Variants in MYCBP2 observed in about 807,000 individuals in gnomAD.
MYCBP2 encodes MYC binding protein 2.
Under a neutral mutation model 525.3 loss-of-function variants are expected in MYCBP2, and 120 were observed. That is an observed-to-expected ratio of 0.23 (90% CI 0.20 to 0.27). The LOEUF is 0.27. Ranked by LOEUF, MYCBP2 falls within the 10% of genes least tolerant of loss-of-function variation. The pLI is 1.00. For missense variants in MYCBP2, 4,149 were observed against 5,657.1 expected (o/e 0.73, Z 8.55); for synonymous variants, 1,894 against 1,955.8 (o/e 0.97, Z 0.83).
At chr13:77,206,586 C>T in intron 24 of MYCBP2, 67 bp downstream of exon 24, 2 of 1,335,150 alleles carry the variant, frequency 1.5e-6, no homozygotes, top group Non-Finnish European at 2.0e-6. Context: ...AATTTAAATA[C>T]TCTAAAAAAA....
intron 6 of MYCBP2, 67 bp downstream of exon 6, chr13:77,270,227 AAC>A: frequency 6.6e-7 from 1 of 1,514,274 alleles, no homozygotes. Context: ...TGAAACTAGA[AAC>A]ACACAGAACA....
intron 78 of MYCBP2, 129 bp from the exon 79 acceptor site, chr13:77,057,222 G>A (rs2038277110): frequency 3.3e-6 from 2 of 614,854 alleles, no homozygotes; most frequent in Admixed American, 5.9e-5. Flanking sequence ...TTACTATAAT[G>A]AAAATTCATT....
chr13:77,221,751 T>C (rs987732775), intron 20 of MYCBP2, among the ~76,000 whole-genome samples: 1 of 152,058 alleles, frequency 6.6e-6, no homozygotes, highest in African/African-American at 2.4e-5. Flanking sequence ...AACTCTCAAA[T>C]GAGAAACAGA....
intron 26 of MYCBP2, among the ~76,000 whole-genome samples, chr13:77,199,881 A>C (rs1276400767): frequency 3.3e-5 from 5 of 152,172 alleles, no homozygotes; most frequent in Non-Finnish European, 5.9e-5. Context: ...CCACACCAAA[A>C]ACCCATCTGT....
Position 77,205,534 on chromosome 13 carries a change from C to T in MYCBP2, c.3654G>A (p.Glu1218=). The change falls in exon 25 of 83, where the codon GAG becomes GAA. Residue 1218 remains glutamate, a synonymous_variant. Coordinates refer to ENST00000544440, the MANE Select transcript of MYCBP2 (RefSeq NM_015057.5). Reference sequence around the variant, plus strand: ...AATAAACCTTCATTACTGCTTGAGTCTCTTCCTCTGTACTTGCAACACCCA... The same window carrying T: ...AATAAACCTTCATTACTGCTTGAGTTTCTTCCTCTGTACTTGCAACACCCA... The part of the protein sequence containing the change: ...LKMGVASTEE[E]TQAVMKVYSK... The T allele has an allele frequency of 6.2e-7, 1 of 1,613,660 alleles. No individual in the cohort carries two copies. Among genetic ancestry groups the T allele is most frequent in the South Asian group, 1.1e-5 (1 of 91,042 alleles).
At chr13:77,120,448 CTGTTT>C (rs1464074897) in intron 55 of MYCBP2, among the ~76,000 whole-genome samples, 1 of 152,158 alleles carries the variant, frequency 6.6e-6, no homozygotes, top group African/African-American at 2.4e-5. Context: ...ATTTTGTTCA[CTGTTT>C]TATTTTTTCA....
chr13:77,129,092 C>T, intron 52 of MYCBP2: 1 of 396,192 alleles, frequency 2.5e-6, no homozygotes, highest in Non-Finnish European at 4.5e-6. Flanking sequence ...TTTAAAGACA[C>T]AAAATTTGTT....
chr13:77,167,299 G>A (rs779013549), intron 40 of MYCBP2, among the ~76,000 whole-genome samples: 12 of 152,072 alleles, frequency 7.9e-5, no homozygotes, highest in Admixed American at 2.0e-4. Flanking sequence ...AAAATGGTTA[G>A]TTCCAAGTCT....
At chr13:77,257,461 T>C (rs1185167646) in intron 14 of MYCBP2, among the ~76,000 whole-genome samples, 1 of 152,012 alleles carries the variant, frequency 6.6e-6, no homozygotes, top group Non-Finnish European at 1.5e-5. Flanking sequence ...TGATTATTAT[T>C]ACACATTGTA....
intron 1 of MYCBP2, among the ~76,000 whole-genome samples, chr13:77,306,739 T>C (rs148429310): frequency 6.6e-6 from 1 of 152,230 alleles, no homozygotes; most frequent in East Asian, 1.9e-4. Context: ...TACAATCTAT[T>C]CATCCCAGGC....
At position 77,182,654 on chromosome 13, in the gene MYCBP2, C is replaced by T. The variant is rs146765497; in HGVS notation, c.4720-732G>A. 9.5e-3 allele frequency among the ~76,000 whole-genome samples: 1,451 copies of T among 152,278 alleles called. 25 individuals are homozygous for T. The highest frequency in any genetic ancestry group is 0.033 in the African/African-American group (1,355 of 41,560). ...AGAGTAATTAAGTTGTGCACTAGTCCAGGCAATAATCTTGCCCCTGGAAAT... is the reference window on the plus strand; with the variant it reads ...AGAGTAATTAAGTTGTGCACTAGTCTAGGCAATAATCTTGCCCCTGGAAAT... On this transcript the variant is annotated intron_variant, in intron 32 of 82. Transcript: ENST00000544440.
intron 52 of MYCBP2, among the ~76,000 whole-genome samples, chr13:77,137,172 CTG>C (rs2053886691): frequency 6.6e-6 from 1 of 152,192 alleles, no homozygotes; most frequent in African/African-American, 2.4e-5. Context: ...CTTAAGGAGA[CTG>C]TCTACTACAG....
chr13:77,169,768 T>C, intron 38 of MYCBP2, 54 bp from the exon 39 acceptor site: 2 of 1,382,140 alleles, frequency 1.4e-6, no homozygotes, highest in Non-Finnish European at 2.1e-6. Flanking sequence ...AATTTCATTG[T>C]ACTGCATACA....
intron 17 of MYCBP2, among the ~76,000 whole-genome samples, chr13:77,236,866 C>G (rs2154306911): frequency 1.3e-5 from 2 of 151,198 alleles, no homozygotes; most frequent in Middle Eastern, 6.8e-3. Context: ...GATCCTGCCT[C>G]TACAAAAAAT....
At chr13:77,134,328 G>C (rs988714176) in intron 52 of MYCBP2, among the ~76,000 whole-genome samples, 3 of 152,024 alleles carry the variant, frequency 2.0e-5, no homozygotes, top group Non-Finnish European at 4.4e-5. Context: ...CCAGGAGTTC[G>C]AGAGCAGCCT....
At chr13:77,298,445 A>G (rs1169039037) in intron 1 of MYCBP2, among the ~76,000 whole-genome samples, 3 of 152,224 alleles carry the variant, frequency 2.0e-5, no homozygotes, top group East Asian at 3.8e-4. Context: ...AAAAGCTCCA[A>G]TAGTGCAGGG....
chr13:77,289,502 G>A (rs1458287940), intron 2 of MYCBP2, among the ~76,000 whole-genome samples: 2 of 151,410 alleles, frequency 1.3e-5, no homozygotes, highest in Non-Finnish European at 2.9e-5. Flanking sequence ...ATCCAGTATC[G>A]ATTCATGATA....
At chr13:77,293,640 C>G (rs1402241241) in intron 2 of MYCBP2, among the ~76,000 whole-genome samples, 1 of 152,112 alleles carries the variant, frequency 6.6e-6, no homozygotes, top group Non-Finnish European at 1.5e-5. Flanking sequence ...AATGTAATCA[C>G]AAGGGTCCTT....
Position 77,296,621 on chromosome 13 carries a change from G to T in MYCBP2, c.356C>A (p.Ser119Ter). The change falls in exon 2 of 83, where the codon TCA (serine) becomes TAA (stop). Residue 119 changes from serine to a stop codon, truncating the protein, a stop_gained. Coordinates refer to ENST00000544440, the MANE Select transcript of MYCBP2 (RefSeq NM_015057.5). LOFTEE classifies it high-confidence loss of function. ...KKLKRKQKSK[S>*]KVKTRSKSEN... ...TACCTTGCTTCTTGTCTTCACTTTT[G>T]ATTTGCTCTTCTGTTTTCTTTTCAA... 1 of 1,571,590 alleles carries T rather than the reference G, an allele frequency of 6.4e-7. No homozygotes were observed. Among genetic ancestry groups the T allele is most frequent in the South Asian group, 1.2e-5 (1 of 83,166 alleles).
Sources: gnomAD v4.1 joint callset for allele counts (sites outside exome capture counted in the v4.1 genomes callset) on GRCh38, gnomAD v4.1.1 for gene constraint, MANE v1.5 for transcripts, NCBI Gene and HGNC (gene_info 2026-07-23, HGNC 2026-07-21) for gene names.